The following AK7 variants were observed in gnomAD, a reference collection of about 807,000 sequenced individuals.
AK7 encodes ATP-AMP transphosphorylase 7.
In AK7, 78 loss-of-function variants were observed where a neutral mutation model predicts 96.6. That is an observed-to-expected ratio of 0.81 (90% CI 0.67 to 0.97). The LOEUF (loss-of-function observed/expected upper bound fraction) is 0.97. AK7 is among the 50% of genes least tolerant of loss of function. The pLI, the probability that AK7 is intolerant of heterozygous loss-of-function variation, is 0.00. For missense variants in AK7, 855 were observed against 887.9 expected, an observed-to-expected ratio of 0.96 and a Z score of 0.47; for synonymous variants, 302 against 317.2, an observed-to-expected ratio of 0.95 and a Z score of 0.51.
At chr14:96,423,661 C>G (rs1891844120) in intron 5 of AK7, 1 of 636,254 alleles carries the variant, frequency 1.6e-6, no homozygotes, top group Non-Finnish European at 3.0e-6. Context: ...CAGCTCGGGG[C>G]CTCCAGGACG....
In AK7 at chr14:96,398,059, T is replaced by A; in HGVS notation, c.106-16T>A. 6.2e-7 allele frequency: 1 copy of A among 1,607,828 alleles called. No individual in the cohort carries two copies. The highest frequency in any genetic ancestry group is 1.3e-5 in the African/African-American group (1 of 74,782). On this transcript the variant is annotated splice_polypyrimidine_tract_variant and intron_variant, in intron 1 of 17. Coordinates refer to ENST00000267584, the MANE Select transcript of AK7 (RefSeq NM_152327.5). The stretch of plus-strand genomic sequence containing the variant: ...AATTTTCTCTTACCATTTGGGAAAT[T>A]TCTGTTTCCTTGCAGTTTCTATCTA...
chr14:96,456,285 ACTCTGTCTAG>A (rs1893899169), intron 10 of AK7, 52 bp from the exon 11 acceptor site: 1 of 1,406,284 alleles, frequency 7.1e-7, no homozygotes, highest in Non-Finnish European at 9.5e-7. Flanking sequence ...ATAAAAAACC[ACTCTGTCTAG>A]CTACAGATCA....
chr14:96,487,258 G>T (rs61983064), intron 17 of AK7, among the ~76,000 whole-genome samples: 4 of 148,758 alleles, frequency 2.7e-5, no homozygotes, highest in Non-Finnish European at 6.0e-5. Flanking sequence ...GGTGGCACGC[G>T]CTGTAGTCCC....
chr14:96,445,675 GAATA>G (rs1728544357), intron 7 of AK7, among the ~76,000 whole-genome samples: 1 of 151,622 alleles, frequency 6.6e-6, no homozygotes, highest in Non-Finnish European at 1.5e-5. Flanking sequence ...ATAAATGAGT[GAATA>G]AATAAATAAA....
At chr14:96,426,820 G>A (rs188579665) in intron 5 of AK7, among the ~76,000 whole-genome samples, 185 of 152,184 alleles carry the variant, frequency 1.2e-3, no homozygotes, top group Non-Finnish European at 1.0e-3. Context: ...CTTTTCTCTT[G>A]CTGCTTTTTG....
chr14:96,409,388 A>G (rs1431475934), intron 4 of AK7, among the ~76,000 whole-genome samples: 1 of 152,204 alleles, frequency 6.6e-6, no homozygotes, highest in Non-Finnish European at 1.5e-5. Context: ...CCTGGCCAAC[A>G]TGGCGAAACC....
intron 2 of AK7, among the ~76,000 whole-genome samples, chr14:96,401,452 G>A (rs34575142): frequency 1.3e-5 from 2 of 152,164 alleles, no homozygotes; most frequent in African/African-American, 4.8e-5. Context: ...GTGGGGCTGA[G>A]GCTGGTCTTC....
chr14:96,475,729 G>A (rs1895137004), intron 14 of AK7, among the ~76,000 whole-genome samples: 1 of 152,048 alleles, frequency 6.6e-6, no homozygotes, highest in Non-Finnish European at 1.5e-5. Context: ...TCCAGCACTT[G>A]GGGAGGCTAA....
intron 12 of AK7, among the ~76,000 whole-genome samples, chr14:96,461,722 T>G (rs1232358963): frequency 1.3e-5 from 2 of 152,120 alleles, no homozygotes; most frequent in African/African-American, 2.4e-5. Context: ...GTAGCTGGGA[T>G]TACAGGCACA....
At chr14:96,430,454 C>T (rs1892288360) in intron 5 of AK7, among the ~76,000 whole-genome samples, 1 of 152,104 alleles carries the variant, frequency 6.6e-6, no homozygotes, top group Non-Finnish European at 1.5e-5. Flanking sequence ...TCCCAAAGTG[C>T]TGGGATTACA....
In AK7 at chr14:96,392,266, G is replaced by A. The variant is rs568422678; in HGVS notation, c.105+7G>A. 2.1e-5 allele frequency: 34 copies of A among 1,601,546 alleles called. No individual in the cohort carries two copies. The highest frequency in any genetic ancestry group is 1.1e-5 in the South Asian group (1 of 90,722). On this transcript the variant is annotated splice_region_variant and intron_variant, in intron 1 of 17. Transcript: ENST00000267584. Reference sequence around the variant, plus strand: ...CAGCGGAAACATCGGGAAGGTGAGCGGCGGCGGCGGCCCAGAGCCTCACGC... The same window carrying A: ...CAGCGGAAACATCGGGAAGGTGAGCAGCGGCGGCGGCCCAGAGCCTCACGC...
chr14:96,413,729 C>T (rs904976943), intron 4 of AK7, among the ~76,000 whole-genome samples: 1 of 152,182 alleles, frequency 6.6e-6, no homozygotes, highest in African/African-American at 2.4e-5. Context: ...ATACATTATG[C>T]TTAATTGAAA....
At chr14:96,406,024 C>T (rs1384766490) in intron 3 of AK7, among the ~76,000 whole-genome samples, 1 of 149,974 alleles carries the variant, frequency 6.7e-6, no homozygotes, top group Non-Finnish European at 1.5e-5. Flanking sequence ...TAAGATGGTG[C>T]CTTTGTGTTT....
intron 3 of AK7, among the ~76,000 whole-genome samples, chr14:96,407,871 G>C (rs1341224086): frequency 6.6e-6 from 1 of 151,950 alleles, no homozygotes; most frequent in Non-Finnish European, 1.5e-5. Context: ...GAGCCACCAC[G>C]CCCGGCCGAT....
At chr14:96,442,627 A>C (rs770027579) in intron 6 of AK7, 103 bp from the exon 7 acceptor site, 113 of 869,600 alleles carry the variant, frequency 1.3e-4, no homozygotes, top group Non-Finnish European at 2.0e-4. Flanking sequence ...ACTTAAGCAG[A>C]TAGCTAGGCC....
chr14:96,418,823 T>G (rs368932951), intron 4 of AK7, among the ~76,000 whole-genome samples: 1 of 152,196 alleles, frequency 6.6e-6, no homozygotes, highest in Non-Finnish European at 1.5e-5. Context: ...CTAGCCTCAG[T>G]AGGATTTTCA....
chr14:96,420,511 C>G (rs1339955713), intron 4 of AK7, among the ~76,000 whole-genome samples: 1 of 150,246 alleles, frequency 6.7e-6, no homozygotes, highest in Non-Finnish European at 1.5e-5. Context: ...GAGAAAGACT[C>G]CATCTCAAAT....
intron 12 of AK7, among the ~76,000 whole-genome samples, chr14:96,464,439 A>G (rs1176905814): frequency 6.7e-6 from 1 of 149,066 alleles, no homozygotes; most frequent in East Asian, 2.1e-4. Context: ...AGTTCCAGCT[A>G]CTTTGGCGGG....
chr14:96,397,948 A>G lies in AK7; in HGVS notation c.106-127A>G, dbSNP rs566545291. On this transcript the variant is annotated intron_variant, in intron 1 of 17. Coordinates refer to ENST00000267584, the MANE Select transcript of AK7 (RefSeq NM_152327.5). Reference sequence around the variant, plus strand: ...AACTTAAATGAGATGACAGTGTGCAAAGCATTTGCTTTGCCTTGGTGGCAC... The same window carrying G: ...AACTTAAATGAGATGACAGTGTGCAGAGCATTTGCTTTGCCTTGGTGGCAC... 88 of 873,996 alleles carry G rather than the reference A, an allele frequency of 1.0e-4. 3 individuals carry two copies. In the South Asian group the frequency reaches 1.3e-3, roughly 13 times the overall value. The allele number at this position is 873,996 out of a possible 1,614,324, so 54.1% of individuals were successfully genotyped here. A position where few individuals can be genotyped will look rare whatever the true frequency, so the allele number is the denominator to read the frequency against.
Sources: gnomAD v4.1 joint callset for allele counts (sites outside exome capture counted in the v4.1 genomes callset) on GRCh38, gnomAD v4.1.1 for gene constraint, MANE v1.5 for transcripts, NCBI Gene and HGNC (gene_info 2026-07-23, HGNC 2026-07-21) for gene names.